NFIA: variants seen among roughly 807,000 people sequenced by gnomAD.
The protein encoded by NFIA is nuclear factor I A.
In NFIA, 8 loss-of-function variants were observed where a neutral mutation model predicts 62.8. The observed-to-expected ratio is 0.13, with a 90% CI of 0.07 to 0.23. NFIA has a LOEUF of 0.23. NFIA is among the 10% of genes least tolerant of loss of function. NFIA has a pLI of 1.00. For missense variants in NFIA, 410 were observed against 642.1 expected (o/e 0.64, Z 3.91); for synonymous variants, 235 against 238.1 (o/e 0.99, Z 0.12).
chr1:61,288,441 C>A (rs1658649278), intron 3 of NFIA, among the ~76,000 whole-genome samples: 2 of 152,074 alleles, frequency 1.3e-5, no homozygotes, highest in South Asian at 4.1e-4. Flanking sequence ...TTTGAATCCT[C>A]CTGCTTTAAA....
chr1:61,100,516 G>A (rs955197558), intron 2 of NFIA, among the ~76,000 whole-genome samples: 4 of 152,162 alleles, frequency 2.6e-5, no homozygotes, highest in African/African-American at 7.2e-5. Flanking sequence ...AGATTTTAGA[G>A]CATTTGATGT....
chr1:61,440,508 G>A (rs144409685), intron 10 of NFIA, among the ~76,000 whole-genome samples: 13 of 152,152 alleles, frequency 8.5e-5, no homozygotes, highest in African/African-American at 2.7e-4. Flanking sequence ...CAGTGATAAC[G>A]TAGAACGTTC....
chr1:61,320,606 A>G (rs1660631018), intron 3 of NFIA, among the ~76,000 whole-genome samples: 1 of 146,794 alleles, frequency 6.8e-6, no homozygotes, highest in Non-Finnish European at 1.5e-5. Context: ...TTTTCTTTCC[A>G]TGCTTGGTGA....
chr1:61,194,942 A>C (rs1651890629), intron 2 of NFIA, among the ~76,000 whole-genome samples: 1 of 152,224 alleles, frequency 6.6e-6, no homozygotes, highest in African/African-American at 2.4e-5. Flanking sequence ...AAGTAAACAC[A>C]GCATAGAATT....
chr1:61,193,053 G>A (rs760736973), intron 2 of NFIA, among the ~76,000 whole-genome samples: 26 of 152,298 alleles, frequency 1.7e-4, no homozygotes, highest in Non-Finnish European at 3.1e-4. Context: ...ATAGTTTTCA[G>A]ATTAGCCTAG....
chr1:61,274,521 G>C (rs1441409343), intron 2 of NFIA, among the ~76,000 whole-genome samples: 1 of 152,190 alleles, frequency 6.6e-6, no homozygotes, highest in Non-Finnish European at 1.5e-5. Context: ...TGGTATGGGA[G>C]ACTCAGATAC....
At chr1:61,282,762 T>G (rs983755812) in intron 3 of NFIA, among the ~76,000 whole-genome samples, 1 of 152,226 alleles carries the variant, frequency 6.6e-6, no homozygotes, top group Non-Finnish European at 1.5e-5. Flanking sequence ...TTCACCTGGT[T>G]ATTTTTCCCT....
At chr1:61,302,597 A>G (rs1659550873) in intron 3 of NFIA, among the ~76,000 whole-genome samples, 1 of 152,180 alleles carries the variant, frequency 6.6e-6, no homozygotes. Flanking sequence ...CGTCCATAGT[A>G]ACAATTATAA....
intron 2 of NFIA, among the ~76,000 whole-genome samples, chr1:61,192,201 G>A (rs141697862): frequency 2.6e-5 from 4 of 152,142 alleles, no homozygotes; most frequent in African/African-American, 2.4e-5. Flanking sequence ...CTTGTAATCC[G>A]CCCGCCTTGG....
chr1:61,383,877 G>A (rs771046606), intron 7 of NFIA, among the ~76,000 whole-genome samples: 8 of 152,162 alleles, frequency 5.3e-5, no homozygotes, highest in African/African-American at 1.4e-4. Context: ...GGGTGTTGAC[G>A]AGCAGTCTTC....
At chr1:61,310,722 C>T (rs1443586099) in intron 3 of NFIA, among the ~76,000 whole-genome samples, 2 of 148,760 alleles carry the variant, frequency 1.3e-5, no homozygotes, top group Non-Finnish European at 3.0e-5. Context: ...CTTTCTTCCT[C>T]CTTCCCCTCC....
At chr1:61,365,750 A>G (rs1453539673) in intron 6 of NFIA, among the ~76,000 whole-genome samples, 1 of 152,212 alleles carries the variant, frequency 6.6e-6, no homozygotes, top group East Asian at 1.9e-4. Context: ...ACTACCTGTA[A>G]GGTGGGAACT....
chr1:61,450,536 A>C (rs1043753699), intron 10 of NFIA, among the ~76,000 whole-genome samples: 2 of 152,176 alleles, frequency 1.3e-5, no homozygotes, highest in African/African-American at 4.8e-5. Flanking sequence ...TGGTTGGCTG[A>C]GTCCTCTTTG....
At chr1:61,200,475 C>T (rs2100588878) in intron 2 of NFIA, among the ~76,000 whole-genome samples, 1 of 152,218 alleles carries the variant, frequency 6.6e-6, no homozygotes, top group South Asian at 2.1e-4. Flanking sequence ...ATACTAAACA[C>T]TGGCCTTTAT....
chr1:61,280,998 C>A (rs929902617), intron 3 of NFIA, among the ~76,000 whole-genome samples: 1 of 152,128 alleles, frequency 6.6e-6, no homozygotes, highest in African/African-American at 2.4e-5. Context: ...AATCCCAGCA[C>A]TTTGGGAGGC....
At chr1:61,182,033 C>T (rs1373036643) in intron 2 of NFIA, among the ~76,000 whole-genome samples, 1 of 152,156 alleles carries the variant, frequency 6.6e-6, no homozygotes, top group African/African-American at 2.4e-5. Flanking sequence ...TTTTAGGTTA[C>T]AGTCTTTGAA....
intron 10 of NFIA, among the ~76,000 whole-genome samples, chr1:61,431,977 C>A (rs999938143): frequency 1.3e-5 from 2 of 152,136 alleles, no homozygotes; most frequent in African/African-American, 4.8e-5. Flanking sequence ...TAAAAACTCT[C>A]CTCGAGTTGT....
intron 3 of NFIA, among the ~76,000 whole-genome samples, chr1:61,311,674 A>C (rs1174378379): frequency 6.6e-6 from 1 of 152,202 alleles, no homozygotes; most frequent in Non-Finnish European, 1.5e-5. Flanking sequence ...CCCAACTGAC[A>C]ATCATCAAAT....
intron 2 of NFIA, among the ~76,000 whole-genome samples, chr1:61,190,475 C>T (rs1229136041): frequency 6.6e-6 from 1 of 152,200 alleles, no homozygotes; most frequent in Non-Finnish European, 1.5e-5. Context: ...TGTGTGGCTT[C>T]CAGTATTTTC....
Sources: allele counts gnomAD v4.1 joint callset (sites outside exome capture counted in the v4.1 genomes callset), GRCh38; gene constraint gnomAD v4.1.1; transcripts MANE v1.5; gene names NCBI Gene and HGNC (gene_info 2026-07-23, HGNC 2026-07-21).